GLP2R: variants seen among roughly 807,000 people sequenced by gnomAD.
GLP2R encodes glucagon like peptide 2 receptor.
GLP2R carries 59 observed loss-of-function variants against 68.2 expected under a neutral mutation model. That is an observed-to-expected ratio of 0.87 (90% CI 0.70 to 1.07). The LOEUF is 1.07. Among genes scored for constraint, GLP2R ranks in the 50% least tolerant of loss-of-function variants. The probability of loss-of-function intolerance (pLI) is 0.00; values close to 1 mark genes in which losing one functional copy is unlikely to be tolerated. For missense variants in GLP2R, 548 were observed against 677.4 expected, an observed-to-expected ratio of 0.81 and a Z score of 2.12; for synonymous variants, 270 against 265.4, an observed-to-expected ratio of 1.02 and a Z score of -0.17.
intron 4 of GLP2R, among the ~76,000 whole-genome samples, chr17:9,851,596 T>C: frequency 6.6e-6 from 1 of 151,938 alleles, no homozygotes; most frequent in Non-Finnish European, 1.5e-5. Context: ...AGAGAATAAT[T>C]CTAGAGAGAA....
chr17:9,842,090 G>A (rs879495818), intron 3 of GLP2R, among the ~76,000 whole-genome samples: 79 of 152,092 alleles, frequency 5.2e-4, no homozygotes, highest in Non-Finnish European at 9.6e-4. Flanking sequence ...TGGCGCATCC[G>A]GCTTCAGCCC....
At chr17:9,844,563 A>G (rs1314857439) in intron 4 of GLP2R, among the ~76,000 whole-genome samples, 3 of 150,126 alleles carry the variant, frequency 2.0e-5, no homozygotes, top group Non-Finnish European at 3.0e-5. Context: ...ACAAGATCGC[A>G]GGCTTCTGGC....
chr17:9,840,253 G>T (rs1298708025), intron 3 of GLP2R, among the ~76,000 whole-genome samples: 1 of 152,190 alleles, frequency 6.6e-6, no homozygotes, highest in African/African-American at 2.4e-5. Flanking sequence ...GGGATTACAG[G>T]CGTGAGCCAC....
At chr17:9,887,577 T>C (rs143920867) in intron 11 of GLP2R, among the ~76,000 whole-genome samples, 1 of 152,066 alleles carries the variant, frequency 6.6e-6, no homozygotes, top group African/African-American at 2.4e-5. Context: ...TATGACCAAG[T>C]AGAGATGCAA....
intron 6 of GLP2R, 64 bp from the exon 7 acceptor site, chr17:9,859,878 C>G (rs2066971010): frequency 4.9e-6 from 6 of 1,226,642 alleles, no homozygotes; most frequent in Non-Finnish European, 6.6e-6. Flanking sequence ...AGGCCCTTCT[C>G]CCCCGACTCG....
At chr17:9,852,166 C>A (rs1166218706) in intron 4 of GLP2R, among the ~76,000 whole-genome samples, 3 of 151,572 alleles carry the variant, frequency 2.0e-5, no homozygotes, top group Non-Finnish European at 2.9e-5. Flanking sequence ...AACCCATCAT[C>A]TAGGTTTTAA....
At chr17:9,881,367 A>C (rs1433840098) in intron 11 of GLP2R, among the ~76,000 whole-genome samples, 2 of 137,522 alleles carry the variant, frequency 1.5e-5, no homozygotes, top group Admixed American at 7.4e-5. Flanking sequence ...TAAAAGCAGG[A>C]GCTGTCAGGC....
At chr17:9,873,924 TC>T (rs2067121118) in intron 10 of GLP2R, among the ~76,000 whole-genome samples, 1 of 152,148 alleles carries the variant, frequency 6.6e-6, no homozygotes, top group Admixed American at 6.5e-5. Context: ...GCCTCAATGT[TC>T]TCTTTTCCAG....
chr17:9,839,209 G>A (rs1373649861), intron 3 of GLP2R, among the ~76,000 whole-genome samples: 1 of 152,112 alleles, frequency 6.6e-6, no homozygotes, highest in African/African-American at 2.4e-5. Flanking sequence ...GAGGAGAGTG[G>A]GGAAACTACT....
At chr17:9,846,856 C>T (rs1250264682) in intron 4 of GLP2R, among the ~76,000 whole-genome samples, 1 of 152,202 alleles carries the variant, frequency 6.6e-6, no homozygotes, top group East Asian at 1.9e-4. Context: ...ACTAAGGAGA[C>T]AAACTGGTCC....
In GLP2R at chr17:9,837,248, C is replaced by G. The variant is rs148985697; in HGVS notation, c.382+773C>G. 9.8e-5 allele frequency among the ~76,000 whole-genome samples: 15 copies of G among 152,304 alleles called. No individual in the cohort carries two copies. In the East Asian group the frequency reaches 2.5e-3, roughly 25 times the overall value. ...TTTTTGTACCCATCATCCCTCCCCA[C>G]CTCCACTGTCCCAGCCGCCCACTAC... On this transcript the variant is annotated intron_variant, in intron 3 of 12. Transcript: ENST00000262441.
At chr17:9,882,494 C>T (rs535390790) in intron 11 of GLP2R, among the ~76,000 whole-genome samples, 3 of 152,262 alleles carry the variant, frequency 2.0e-5, no homozygotes, top group Admixed American at 2.0e-4. Flanking sequence ...CAAGAAGGAC[C>T]AGAAAGGACA....
intron 5 of GLP2R, among the ~76,000 whole-genome samples, chr17:9,855,097 C>T (rs2066923637): frequency 6.6e-6 from 1 of 152,134 alleles, no homozygotes; most frequent in African/African-American, 2.4e-5. Flanking sequence ...CCATGATTGA[C>T]TGCAGGTAAC....
chr17:9,875,875 A>G (rs528569299), intron 10 of GLP2R, among the ~76,000 whole-genome samples: 1 of 152,156 alleles, frequency 6.6e-6, no homozygotes, highest in South Asian at 2.1e-4. Context: ...GAAGCATTTC[A>G]TTTTCATTTT....
At chr17:9,874,080 A>G (rs927684257) in intron 10 of GLP2R, among the ~76,000 whole-genome samples, 2 of 152,226 alleles carry the variant, frequency 1.3e-5, no homozygotes, top group African/African-American at 2.4e-5. Context: ...AAAATTTAAG[A>G]GGACAGATAA....
intron 2 of GLP2R, among the ~76,000 whole-genome samples, chr17:9,835,936 G>A (rs2066725603): frequency 6.6e-6 from 1 of 151,466 alleles, no homozygotes; most frequent in African/African-American, 2.4e-5. Flanking sequence ...CTACTCGGGA[G>A]GCTGAGGCAG....
At chr17:9,861,955 G>A (rs1164082903) in intron 8 of GLP2R, 66 bp from the exon 9 acceptor site, 50 of 1,072,440 alleles carry the variant, frequency 4.7e-5, no homozygotes, top group Non-Finnish European at 7.1e-5. Context: ...GAGAGCATGA[G>A]GCTTTGACTT....
At chr17:9,833,593 T>C (rs1434056256) in intron 1 of GLP2R, among the ~76,000 whole-genome samples, 3 of 152,236 alleles carry the variant, frequency 2.0e-5, no homozygotes, top group African/African-American at 7.2e-5. Context: ...TTTTTTCATA[T>C]TTGTATTAAA....
rs976724065 is a variant in GLP2R, at chr17:9,886,975, C to A, written c.1285-957C>A. On this transcript the variant is annotated intron_variant, in intron 11 of 12. Coordinates refer to ENST00000262441, the MANE Select transcript of GLP2R (RefSeq NM_004246.3). Reference sequence around the variant, plus strand: ...AGACACACTGCCCAAATTCCACAGACCCTTACATCAATTAGGGACAGCCAG... The same window carrying A: ...AGACACACTGCCCAAATTCCACAGAACCTTACATCAATTAGGGACAGCCAG... Among the ~76,000 whole-genome samples, 6 of 152,290 alleles carry A rather than the reference C, an allele frequency of 3.9e-5. No individual in the cohort carries two copies. The South Asian group carries it at 1.2e-3, about 32-fold the overall frequency.
Sources: gnomAD v4.1 joint callset for allele counts (sites outside exome capture counted in the v4.1 genomes callset) on GRCh38, gnomAD v4.1.1 for gene constraint, MANE v1.5 for transcripts, NCBI Gene and HGNC (gene_info 2026-07-23, HGNC 2026-07-21) for gene names.